Variants in SH3PXD2B observed in about 807,000 individuals in gnomAD.
The protein encoded by SH3PXD2B is SH3 and PX domain-containing protein 2B.
SH3PXD2B carries 37 observed loss-of-function variants against 73.1 expected under a neutral mutation model. That is an observed-to-expected ratio of 0.51 (90% CI 0.39 to 0.67). The LOEUF (loss-of-function observed/expected upper bound fraction) is 0.67, where lower values mean the gene tolerates loss of function less well. SH3PXD2B is among the 30% of genes least tolerant of loss of function. The probability of loss-of-function intolerance (pLI) is 0.00; values close to 1 mark genes in which losing one functional copy is unlikely to be tolerated. For synonymous variants in SH3PXD2B, 457 were observed against 480.5 expected, an observed-to-expected ratio of 0.95 and a Z score of 0.64; for missense variants, 1,053 against 1,197.8, an observed-to-expected ratio of 0.88 and a Z score of 1.78.
chr5:172,419,170 A>G (rs1210229387), intron 2 of SH3PXD2B, among the ~76,000 whole-genome samples: 2 of 152,190 alleles, frequency 1.3e-5, no homozygotes. Flanking sequence ...ATTTGCACCC[A>G]GGTCTGTCTG....
intron 1 of SH3PXD2B, among the ~76,000 whole-genome samples, chr5:172,439,251 G>GAAAAAAAAAAAAAA (rs1240619268): frequency 1.1e-4 from 4 of 35,226 alleles, no homozygotes; most frequent in Non-Finnish European, 1.4e-4. Context: ...AAAAAAAAAA[G>GAAAAAAAAAAAAAA]AAAAAAAAAA....
At chr5:172,452,236 A>C in intron 1 of SH3PXD2B, among the ~76,000 whole-genome samples, 1 of 152,166 alleles carries the variant, frequency 6.6e-6, no homozygotes, top group Middle Eastern at 3.2e-3. Flanking sequence ...TCTGAATCCC[A>C]ATCTATGTTT....
intron 1 of SH3PXD2B, among the ~76,000 whole-genome samples, chr5:172,448,774 GT>G (rs1434170605): frequency 6.6e-6 from 1 of 152,214 alleles, no homozygotes; most frequent in East Asian, 1.9e-4. Flanking sequence ...TCGGCCAGTT[GT>G]CCAAGGCCAT....
chr5:172,371,662 G>C (rs749137623), intron 6 of SH3PXD2B, among the ~76,000 whole-genome samples: 11 of 139,992 alleles, frequency 7.9e-5, no homozygotes, highest in Non-Finnish European at 1.8e-4. Context: ...GGTGAATGAC[G>C]TAACAGCAGT....
rs1756766005 is a variant in SH3PXD2B, at chr5:172,338,759, C to T, written c.2346G>A (p.Gln782=). 8 of 1,614,218 alleles carry T rather than the reference C, an allele frequency of 5.0e-6. No individual in the cohort carries two copies. The highest frequency in any genetic ancestry group is 1.3e-5 in the African/African-American group (1 of 75,054). Residue 782 remains glutamine (Q), a synonymous_variant, in exon 13 of 13, where the codon CAG becomes CAA. Transcript: ENST00000311601. The surrounding 1 kb of genome is among the most constrained non-coding windows in gnomAD (Gnocchi z 5.1). The part of the protein sequence containing the change: ...SRPLPEVRGP[Q]CEGHESRAAP... ...CTGCCCTGCTTTCGTGGCCTTCACA[C>T]TGTGGACCTCTGACCTCTGGGAGCG...
At chr5:172,376,711 T>C (rs903289135) in intron 5 of SH3PXD2B, among the ~76,000 whole-genome samples, 3 of 152,106 alleles carry the variant, frequency 2.0e-5, no homozygotes, top group Admixed American at 6.5e-5. Context: ...AGGGTGAGGG[T>C]CAGAGTGGAA....
intron 3 of SH3PXD2B, among the ~76,000 whole-genome samples, chr5:172,404,923 C>G (rs1758517480): frequency 6.6e-6 from 1 of 152,200 alleles, no homozygotes; most frequent in South Asian, 2.1e-4. Context: ...GTGCAAGCGC[C>G]CATAGGTTCC....
At chr5:172,368,468 T>TATATTA (rs1327821682) in intron 6 of SH3PXD2B, among the ~76,000 whole-genome samples, 1 of 12,994 alleles carries the variant, frequency 7.7e-5, no homozygotes, top group African/African-American at 3.9e-4. Flanking sequence ...TATATATATA[T>TATATTA]TATATATATA....
downstream of SH3PXD2B, among the ~76,000 whole-genome samples, chr5:172,329,704 A>G (rs966688278): frequency 3.3e-5 from 5 of 151,854 alleles, no homozygotes; most frequent in African/African-American, 1.2e-4. Flanking sequence ...CGCCCGGCTA[A>G]TTTTTTGTAT....
At chr5:172,395,542 C>T (rs1758274594) in intron 3 of SH3PXD2B, among the ~76,000 whole-genome samples, 1 of 152,106 alleles carries the variant, frequency 6.6e-6, no homozygotes. Context: ...ATACATGATG[C>T]CACTGAAGAT....
downstream of SH3PXD2B, among the ~76,000 whole-genome samples, chr5:172,330,518 CCT>C (rs761488617): frequency 1.3e-5 from 2 of 152,140 alleles, no homozygotes; most frequent in East Asian, 1.9e-4. Flanking sequence ...AAGTAAACCC[CCT>C]CTCAGACATT....
At position 172,410,483 on chromosome 5, in the gene SH3PXD2B, A is replaced by T. The variant is rs528800465; in HGVS notation, c.157-4131T>A. On this transcript the variant is annotated intron_variant, in intron 2 of 12. Coordinates refer to ENST00000311601, the MANE Select transcript of SH3PXD2B (RefSeq NM_001017995.3). ...GCTCTTCAATGCCAGCACATAGTAGATGCTCAATAAAAACGGGCTGAACTT... is the reference window on the plus strand; with the variant it reads ...GCTCTTCAATGCCAGCACATAGTAGTTGCTCAATAAAAACGGGCTGAACTT... Among the ~76,000 whole-genome samples, 4 of 152,294 alleles carry T rather than the reference A, an allele frequency of 2.6e-5. No homozygotes were observed. In the South Asian group the frequency reaches 8.3e-4, roughly 32 times the overall value.
intron 1 of SH3PXD2B, among the ~76,000 whole-genome samples, chr5:172,446,053 G>A (rs1402259981): frequency 2.0e-5 from 3 of 152,178 alleles, no homozygotes; most frequent in South Asian, 2.1e-4. Context: ...CCCGTGTCAC[G>A]TCAGTGGGCA....
chr5:172,400,502 T>A (rs1206334782), intron 3 of SH3PXD2B, among the ~76,000 whole-genome samples: 4 of 152,208 alleles, frequency 2.6e-5, no homozygotes, highest in African/African-American at 9.7e-5. Flanking sequence ...TGAGGCCTCA[T>A]ATGATACTCC....
At chr5:172,439,851 C>A (rs1465844314) in intron 1 of SH3PXD2B, among the ~76,000 whole-genome samples, 2 of 152,034 alleles carry the variant, frequency 1.3e-5, no homozygotes, top group Non-Finnish European at 2.9e-5. Context: ...GACTGAGACA[C>A]TGGGCTGGTG....
Position 172,334,153 on chromosome 5 carries a change from T to C in SH3PXD2B, c.*4216A>G. ...GGATAGAAACGGGAAGATGGAATGT[T>C]GAAACATGAGGAGGAGCTCGATAAC... On this transcript the variant is annotated 3_prime_UTR_variant, in exon 13 of 13. Coordinates refer to ENST00000311601, the MANE Select transcript of SH3PXD2B (RefSeq NM_001017995.3). 9.0e-7 allele frequency: 1 copy of C among 1,117,266 alleles called. No homozygotes were observed. Among genetic ancestry groups the C allele is most frequent in the Non-Finnish European group, 1.1e-6 (1 of 911,332 alleles). The allele number at this position is 1,117,266 out of a possible 1,614,324, so 69.2% of individuals were successfully genotyped here. A position where few individuals can be genotyped will look rare whatever the true frequency, so the allele number is the denominator to read the frequency against.
intron 1 of SH3PXD2B, among the ~76,000 whole-genome samples, chr5:172,436,018 C>T (rs1020689665): frequency 6.6e-6 from 1 of 152,236 alleles, no homozygotes; most frequent in African/African-American, 2.4e-5. Flanking sequence ...CTCCATTTTA[C>T]AAATGAAGAT....
rs1168799617 is a variant in SH3PXD2B at position 172,338,486 on chromosome 5, C to A, written c.2619G>T (p.Gly873=). The A allele has an allele frequency of 6.2e-7, 1 of 1,614,112 alleles. No homozygotes were observed. Among genetic ancestry groups the A allele is most frequent in the Non-Finnish European group, 8.5e-7 (1 of 1,180,064 alleles). The stretch of plus-strand genomic sequence containing the variant: ...TCTTCTCCCGGACTTCAAACACTGT[C>A]CCTTCCTGGAAGCTGCTGGTGTCTT... ...GDKDTSSFQE[G]TVFEVREKNS... The change falls in exon 13 of 13, where the codon GGG becomes GGT. Residue 873 remains glycine (G), a synonymous_variant. Coordinates refer to ENST00000311601, the MANE Select transcript of SH3PXD2B (RefSeq NM_001017995.3). The surrounding 1 kb of genome is among the most constrained non-coding windows in gnomAD (Gnocchi z 5.1).
At chr5:172,402,371 C>T (rs190694865) in intron 3 of SH3PXD2B, among the ~76,000 whole-genome samples, 13 of 152,298 alleles carry the variant, frequency 8.5e-5, no homozygotes, top group East Asian at 1.9e-4. Flanking sequence ...AATTTTGCCC[C>T]GGTCCTGTGA....
Sources: allele counts gnomAD v4.1 joint callset (sites outside exome capture counted in the v4.1 genomes callset), GRCh38; gene constraint gnomAD v4.1.1; non-coding constraint Gnocchi (gnomAD v3.1); transcripts MANE v1.5; gene names NCBI Gene and HGNC (gene_info 2026-07-23, HGNC 2026-07-21).